Variants in PFKM observed in about 807,000 individuals in gnomAD.
PFKM encodes phosphofructokinase, muscle, also known as ATP-dependent 6-phosphofructokinase, muscle type.
PFKM carries 58 observed loss-of-function variants against 95.5 expected under a neutral mutation model. The observed-to-expected ratio is 0.61, with a 90% confidence interval of 0.49 to 0.76. The LOEUF (loss-of-function observed/expected upper bound fraction) is 0.76. Among genes scored for constraint, PFKM ranks in the 30% least tolerant of loss-of-function variants. The pLI, the probability that PFKM is intolerant of heterozygous loss-of-function variation, is 0.00. For missense variants in PFKM, 678 were observed against 1,005.4 expected (o/e 0.67, Z 4.40); for synonymous variants, 336 against 357.2 (o/e 0.94, Z 0.67).
intron 3 of PFKM, among the ~76,000 whole-genome samples, chr12:48,112,105 G>A (rs886700714): frequency 1.3e-5 from 2 of 152,204 alleles, no homozygotes; most frequent in Middle Eastern, 3.4e-3. Flanking sequence ...CCGACTGCAC[G>A]GCCCTGCACT....
chr12:48,143,078 G>T, intron 18 of PFKM, 132 bp downstream of exon 18: 4 of 846,878 alleles, frequency 4.7e-6, no homozygotes, highest in Non-Finnish European at 5.8e-6. Context: ...AGACCAGAAA[G>T]AGCACTATGC....
At chr12:48,108,657 A>G (rs1240517407) in intron 3 of PFKM, among the ~76,000 whole-genome samples, 3 of 152,240 alleles carry the variant, frequency 2.0e-5, no homozygotes, top group Non-Finnish European at 4.4e-5. Context: ...TAGATTTCTC[A>G]TGTATTTTTA....
chr12:48,122,795 T>C lies in PFKM; in HGVS notation c.21T>C (p.His7=), dbSNP rs2137860144. 6.2e-7 allele frequency: 1 copy of C among 1,614,132 alleles called. No homozygotes were observed. The highest frequency in any genetic ancestry group is 8.5e-7 in the Non-Finnish European group (1 of 1,179,982). Residue 7 remains histidine (H), a synonymous_variant, in exon 2 of 23, where the codon CAT becomes CAC. Coordinates refer to ENST00000359794, the MANE Select transcript of PFKM (RefSeq NM_000289.6). Reference sequence around the variant, plus strand: ...GGATCATGACCCATGAAGAGCACCATGCAGCCAAAACCCTGGGGATTGGCA... The same window carrying C: ...GGATCATGACCCATGAAGAGCACCACGCAGCCAAAACCCTGGGGATTGGCA... MTHEEH[H]AAKTLGIGKA...
intron 2 of PFKM, chr12:48,107,508 A>G: frequency 2.5e-6 from 3 of 1,188,500 alleles, no homozygotes; most frequent in South Asian, 2.4e-5. Flanking sequence ...TTCTCTCACA[A>G]GAAGTCTAAA....
At chr12:48,135,180 A>G (rs1949955632) in intron 9 of PFKM, 111 bp from the exon 10 acceptor site, 1 of 1,159,392 alleles carries the variant, frequency 8.6e-7, no homozygotes, top group African/African-American at 1.5e-5. Flanking sequence ...TCCCACAAAG[A>G]ACCATTACAA....
At chr12:48,106,215 C>G (rs1438048227) in intron 1 of PFKM, 1 of 663,200 alleles carries the variant, frequency 1.5e-6, no homozygotes, top group Non-Finnish European at 2.8e-6. Context: ...CGCGGTGTGG[C>G]GAGGCCCGAG....
At chr12:48,141,595 T>A in intron 15 of PFKM, 145 bp from the exon 16 acceptor site, 1 of 799,088 alleles carries the variant, frequency 1.3e-6, no homozygotes, top group Admixed American at 1.8e-5. Context: ...TGGATAGGAC[T>A]GAGAGGGTGG....
rs773188494 is a variant in PFKM, at chr12:48,131,394, G to GTATGCTGAA, written c.237+5_237+6insCTGAATATG. On this transcript the variant is annotated splice_donor_variant, in intron 4 of 22. Coordinates refer to ENST00000359794, the MANE Select transcript of PFKM (RefSeq NM_000289.6). LOFTEE classifies it high-confidence loss of function. The stretch of plus-strand genomic sequence containing the variant: ...GAGCGTTTCGATGATGCTTCAGCTG[G>GTATGCTGAA]TATGTTCCAGAGAACTCCCTGTCCC... 3 of 1,606,674 alleles carry GTATGCTGAA rather than the reference G, an allele frequency of 1.9e-6. No individual in the cohort carries two copies. The highest frequency in any genetic ancestry group is 2.7e-5 in the African/African-American group (2 of 74,768).
intron 4 of PFKM, 60 bp downstream of exon 4, chr12:48,131,453 T>C: frequency 8.1e-7 from 1 of 1,242,200 alleles, no homozygotes; most frequent in East Asian, 2.3e-5. Context: ...TCCCACTCTG[T>C]TTTGGGCTCA....
At position 48,144,118 on chromosome 12, in the gene PFKM, C is replaced by T. The variant is rs1458812292; in HGVS notation, c.1953C>T (p.Ile651=). 2 of 1,613,524 alleles carry T rather than the reference C, an allele frequency of 1.2e-6. No homozygotes were observed. Among genetic ancestry groups the T allele is most frequent in the Non-Finnish European group, 1.7e-6 (2 of 1,179,436 alleles). Reference sequence around the variant, plus strand: ...TGTACTCTGAGGAGGGGAAGGGCATCTTCGACAGCAGGAAGAATGTGCTTG... The same window carrying T: ...TGTACTCTGAGGAGGGGAAGGGCATTTTCGACAGCAGGAAGAATGTGCTTG... ...FNLYSEEGKG[I]FDSRKNVLGH... The change falls in exon 20 of 23, where the codon ATC becomes ATT. Residue 651 remains isoleucine (I), a synonymous_variant. Transcript: ENST00000359794.
At chr12:48,138,600 G>A in intron 11 of PFKM, among the ~76,000 whole-genome samples, 1 of 152,194 alleles carries the variant, frequency 6.6e-6, no homozygotes, top group Non-Finnish European at 1.5e-5. Flanking sequence ...ATCAGTAGTT[G>A]AGAAGCACAC....
intron 3 of PFKM, among the ~76,000 whole-genome samples, chr12:48,112,273 G>T (rs531613556): frequency 5.9e-5 from 9 of 152,192 alleles, no homozygotes; most frequent in Non-Finnish European, 1.2e-4. Context: ...TAATGGTTTA[G>T]TCAGGATGGT....
intron 3 of PFKM, chr12:48,108,227 C>G: frequency 6.3e-7 from 1 of 1,584,892 alleles, no homozygotes; most frequent in Non-Finnish European, 8.5e-7. Flanking sequence ...GAGAAATGTT[C>G]AAAGGAATAT....
At chr12:48,108,118 A>G in exon 3 of PFKM, 1 of 1,599,364 alleles carries the variant, frequency 6.3e-7, no homozygotes, top group Non-Finnish European at 8.5e-7. Context: ...AGCCACCACC[A>G]AAGACAGACA....
chr12:48,144,979 T>C, intron 20 of PFKM, 52 bp from the exon 21 acceptor site: 4 of 1,248,246 alleles, frequency 3.2e-6, no homozygotes, highest in Non-Finnish European at 4.7e-6. Context: ...TAGATATCTC[T>C]GCCACTTCAT....
chr12:48,106,124 G>GC, exon 1 of PFKM: 1 of 702,652 alleles, frequency 1.4e-6, no homozygotes, highest in Non-Finnish European at 2.6e-6. Flanking sequence ...TCACAGCACC[G>GC]GAAGAGTCGC....
intron 4 of PFKM, chr12:48,131,829 T>C (rs1949527406): frequency 2.8e-6 from 1 of 361,264 alleles, no homozygotes; most frequent in Non-Finnish European, 5.4e-6. Flanking sequence ...TGAGACAGCC[T>C]TTCGGAGTCT....
intron 1 of PFKM, chr12:48,107,234 T>A: frequency 1.5e-6 from 1 of 653,654 alleles, no homozygotes; most frequent in Non-Finnish European, 2.8e-6. Context: ...TTGCCTCATG[T>A]GCTGATACTT....
chr12:48,144,724 A>G (rs1348429993), intron 20 of PFKM, among the ~76,000 whole-genome samples: 1 of 152,254 alleles, frequency 6.6e-6, no homozygotes, highest in Non-Finnish European at 1.5e-5. Context: ...GAAGAGGGGC[A>G]GGCAGCTGAC....
Sources: gnomAD v4.1 joint callset for allele counts (sites outside exome capture counted in the v4.1 genomes callset) on GRCh38, gnomAD v4.1.1 for gene constraint, MANE v1.5 for transcripts, NCBI Gene and HGNC (gene_info 2026-07-23, HGNC 2026-07-21) for gene names.